TNRC6A: variants seen among roughly 807,000 people sequenced by gnomAD.
TNRC6A encodes the protein trinucleotide repeat containing adaptor 6A.
Under a neutral mutation model 221.2 loss-of-function variants are expected in TNRC6A, and 44 were observed. The observed-to-expected ratio is 0.20, with a 90% CI of 0.16 to 0.26. TNRC6A has a LOEUF of 0.26. Ranked by LOEUF, TNRC6A falls within the 10% of genes least tolerant of loss-of-function variation. TNRC6A has a pLI of 1.00. For missense variants in TNRC6A, 2,199 were observed against 2,404.4 expected, an observed-to-expected ratio of 0.91 and a Z score of 1.79; for synonymous variants, 847 against 838.5, an observed-to-expected ratio of 1.01 and a Z score of -0.18.
chr16:24,740,161 A>C (rs1034381355), intron 2 of TNRC6A, among the ~76,000 whole-genome samples: 5 of 152,178 alleles, frequency 3.3e-5, no homozygotes, highest in African/African-American at 1.2e-4. Flanking sequence ...CCACTTCCAC[A>C]CTGTCTTGAT....
At chr16:24,680,121 A>C (rs1340430311) in intron 2 of TNRC6A, among the ~76,000 whole-genome samples, 1 of 152,118 alleles carries the variant, frequency 6.6e-6, no homozygotes, top group Non-Finnish European at 1.5e-5. Context: ...CACAGTTTTT[A>C]AAAATTTTAT....
intron 1 of TNRC6A, among the ~76,000 whole-genome samples, chr16:24,631,559 G>T (rs557068866): frequency 3.4e-4 from 52 of 152,172 alleles, no homozygotes; most frequent in Non-Finnish European, 5.6e-4. Flanking sequence ...ATCACTTGAG[G>T]TTAAGAGTTC....
chr16:24,806,234 A>C lies in TNRC6A; in HGVS notation c.4280A>C (p.Gln1427Pro). ...TTGTTAGCGCAGCAGCAAAGGGCGCAGAGTCAGAGAAGCGTGCCTTCTGGG... is the reference window on the plus strand; with the variant it reads ...TTGTTAGCGCAGCAGCAAAGGGCGCCGAGTCAGAGAAGCGTGCCTTCTGGG... ...QRLLAQQQRAQSQRSVPSGNR... is the reference protein window; with the variant it reads ...QRLLAQQQRAPSQRSVPSGNR... The change falls in exon 16 of 25, where the codon CAG becomes CCG. Residue 1427 changes from glutamine to proline, a missense_variant. Physicochemically the swap from Gln to Pro is moderately conservative, Grantham distance 76. Coordinates refer to ENST00000395799, the MANE Select transcript of TNRC6A (RefSeq NM_014494.4). 1 of 1,614,216 alleles carries C rather than the reference A, an allele frequency of 6.2e-7. No individual in the cohort carries two copies. The highest frequency in any genetic ancestry group is 8.5e-7 in the Non-Finnish European group (1 of 1,180,036).
chr16:24,630,791 C>T (rs1032073015), intron 1 of TNRC6A, among the ~76,000 whole-genome samples: 2 of 152,162 alleles, frequency 1.3e-5, no homozygotes, highest in Non-Finnish European at 2.9e-5. Context: ...TGTCCCTTCA[C>T]GGACTCTACT....
intron 2 of TNRC6A, among the ~76,000 whole-genome samples, chr16:24,736,732 G>C (rs1032477688): frequency 3.9e-5 from 6 of 152,162 alleles, no homozygotes; most frequent in Non-Finnish European, 7.3e-5. Flanking sequence ...TAACCGAAAG[G>C]TTATCCAATA....
At chr16:24,658,198 G>A (rs1346541020) in intron 2 of TNRC6A, among the ~76,000 whole-genome samples, 2 of 152,086 alleles carry the variant, frequency 1.3e-5, no homozygotes, top group Non-Finnish European at 2.9e-5. Context: ...TCTGCTTGCT[G>A]TTTTATTTCA....
In TNRC6A at chr16:24,790,441, G is replaced by C; in HGVS notation, c.1799G>C (p.Gly600Ala). Reference sequence around the variant, plus strand: ...GCAAATTCTGGAGGAAGTCGAAGAGGATGGGGAACCCCTGCACAAAACACT... The same window carrying C: ...GCAAATTCTGGAGGAAGTCGAAGAGCATGGGGAACCCCTGCACAAAACACT... ...NGANSGGSRRGWGTPAQNTGT... is the reference protein window; with the variant it reads ...NGANSGGSRRAWGTPAQNTGT... The change falls in exon 6 of 25, where the codon GGA becomes GCA. Residue 600 changes from glycine to alanine, a missense_variant. Gly to Ala is a moderately conservative substitution (Grantham distance 60). This residue lies in a region of TNRC6A where 1,405 missense variants were observed against 1,400.2 expected (regional missense o/e 1.00). Coordinates refer to ENST00000395799, the MANE Select transcript of TNRC6A (RefSeq NM_014494.4). 6.2e-7 allele frequency: 1 copy of C among 1,614,262 alleles called. No homozygotes were observed. Among genetic ancestry groups the C allele is most frequent in the Non-Finnish European group, 8.5e-7 (1 of 1,180,056 alleles).
At position 24,789,777 on chromosome 16, in the gene TNRC6A, G is replaced by A. The variant is rs201735810; in HGVS notation, c.1135G>A (p.Ala379Thr). The part of the protein sequence containing the change: ...AWPVLENNGL[A>T]LKGPVGSGSS... Reference sequence around the variant, plus strand: ...GCCAGTATTAGAGAACAATGGACTTGCCCTAAAAGGGCCTGTAGGGAGTGG... The same window carrying A: ...GCCAGTATTAGAGAACAATGGACTTACCCTAAAAGGGCCTGTAGGGAGTGG... Residue 379 changes from alanine (A) to threonine (T), a missense_variant, in exon 6 of 25, where the codon GCC becomes ACC. Physicochemically the swap from Ala to Thr is moderately conservative, Grantham distance 58. This residue lies in a region of TNRC6A where 1,405 missense variants were observed against 1,400.2 expected (regional missense o/e 1.00). Transcript: ENST00000395799. 1.9e-6 allele frequency: 3 copies of A among 1,614,058 alleles called. No individual in the cohort carries two copies. The highest frequency in any genetic ancestry group is 2.5e-6 in the Non-Finnish European group (3 of 1,180,018).
At chr16:24,786,508 C>T (rs1330877147) in intron 5 of TNRC6A, among the ~76,000 whole-genome samples, 1 of 150,972 alleles carries the variant, frequency 6.6e-6, no homozygotes, top group Non-Finnish European at 1.5e-5. Context: ...TAGAGATGGG[C>T]TTTCTCCGTG....
At chr16:24,626,941 C>T (rs1027605766) in intron 1 of TNRC6A, among the ~76,000 whole-genome samples, 2 of 141,986 alleles carry the variant, frequency 1.4e-5, no homozygotes, top group East Asian at 2.2e-4. Flanking sequence ...CGTGAGCCAC[C>T]GCGCCCAGCC....
At chr16:24,733,133 C>T (rs2056682860) in intron 2 of TNRC6A, among the ~76,000 whole-genome samples, 1 of 152,138 alleles carries the variant, frequency 6.6e-6, no homozygotes, top group Admixed American at 6.5e-5. Context: ...AGGAGAATTA[C>T]TTGAACCCTG....
intron 1 of TNRC6A, among the ~76,000 whole-genome samples, chr16:24,614,588 G>A (rs1285560053): frequency 6.6e-6 from 1 of 152,142 alleles, no homozygotes; most frequent in Non-Finnish European, 1.5e-5. Context: ...GGTGAAATAA[G>A]ATCTCTTCTC....
intron 2 of TNRC6A, among the ~76,000 whole-genome samples, chr16:24,692,712 TA>T (rs966163977): frequency 3.3e-5 from 5 of 150,998 alleles, no homozygotes; most frequent in Admixed American, 6.6e-5. Context: ...GACCCTGTCT[TA>T]AAAAAAAATT....
At chr16:24,719,893 T>C (rs907388733) in intron 2 of TNRC6A, among the ~76,000 whole-genome samples, 3 of 151,514 alleles carry the variant, frequency 2.0e-5, no homozygotes, top group African/African-American at 7.3e-5. Flanking sequence ...ATTAGAAATG[T>C]GATGAATGCT....
chr16:24,681,288 C>T (rs1319808133), intron 2 of TNRC6A, among the ~76,000 whole-genome samples: 2 of 152,062 alleles, frequency 1.3e-5, no homozygotes, highest in Non-Finnish European at 1.5e-5. Context: ...AGAGCAGTGG[C>T]GTGATCTCGG....
At chr16:24,776,318 C>T in intron 4 of TNRC6A, 1 of 984,128 alleles carries the variant, frequency 1.0e-6, no homozygotes. Context: ...CATTTTGATT[C>T]ATCTCATAGA....
intron 2 of TNRC6A, among the ~76,000 whole-genome samples, chr16:24,673,823 G>T (rs779535639): frequency 5.3e-5 from 8 of 152,296 alleles, no homozygotes; most frequent in Non-Finnish European, 1.0e-4. Context: ...CTCCCAGAAT[G>T]CTGGGATTAC....
chr16:24,746,290 G>T (rs1444891186), intron 2 of TNRC6A, among the ~76,000 whole-genome samples: 1 of 152,194 alleles, frequency 6.6e-6, no homozygotes, highest in East Asian at 1.9e-4. Context: ...GCTGAGTGCA[G>T]TGGCTCACCC....
intron 18 of TNRC6A, 101 bp downstream of exon 18, chr16:24,809,582 A>T: frequency 7.6e-7 from 1 of 1,313,490 alleles, no homozygotes; most frequent in East Asian, 2.5e-5. Flanking sequence ...TTTCAAAGCC[A>T]AATTATCTTA....
Sources: allele counts gnomAD v4.1 joint callset (sites outside exome capture counted in the v4.1 genomes callset), GRCh38; gene constraint gnomAD v4.1.1; regional missense constraint gnomAD v4.1.1; transcripts MANE v1.5; gene names NCBI Gene and HGNC (gene_info 2026-07-23, HGNC 2026-07-21).